PDE1C: variants seen among roughly 807,000 people sequenced by gnomAD.
PDE1C encodes dual specificity calcium/calmodulin-dependent 3',5'-cyclic nucleotide phosphodiesterase 1C.
Under a neutral mutation model 93.1 loss-of-function variants are expected in PDE1C, and 62 were observed. The observed-to-expected ratio is 0.67, with a 90% confidence interval of 0.54 to 0.82. The LOEUF (loss-of-function observed/expected upper bound fraction) is 0.82. PDE1C is among the 40% of genes least tolerant of loss of function. The pLI, the probability that PDE1C is intolerant of heterozygous loss-of-function variation, is 0.00. For missense variants in PDE1C, 742 were observed against 884.6 expected (o/e 0.84, Z 2.04); for synonymous variants, 325 against 310.1 (o/e 1.05, Z -0.50).
At chr7:32,152,288 C>G (rs779386794) in intron 3 of PDE1C, among the ~76,000 whole-genome samples, 2 of 152,164 alleles carry the variant, frequency 1.3e-5, no homozygotes, top group Non-Finnish European at 2.9e-5. Flanking sequence ...TATAATTTTT[C>G]TGAACCCACT....
At chr7:31,904,141 C>A (rs12701156) in intron 2 of PDE1C, among the ~76,000 whole-genome samples, 14,797 of 152,098 alleles carry the variant, frequency 0.097, 939 homozygotes, top group Admixed American at 0.21. Context: ...TCCACAAGAA[C>A]AGAGAGTGCT....
exon 1 of PDE1C, chr7:32,298,761 C>G: frequency 6.4e-7 from 1 of 1,569,442 alleles, no homozygotes; most frequent in Non-Finnish European, 8.6e-7. Context: ...GCAGGGGCCT[C>G]GCAGCGAGAC....
chr7:31,981,850 G>A (rs1163286543), intron 2 of PDE1C, among the ~76,000 whole-genome samples: 1 of 152,158 alleles, frequency 6.6e-6, no homozygotes. Context: ...AGTTAAATAT[G>A]AGAAAGAAAA....
chr7:31,927,760 C>A (rs1803593054), intron 2 of PDE1C, among the ~76,000 whole-genome samples: 1 of 152,104 alleles, frequency 6.6e-6, no homozygotes. Context: ...AAAAAGGACA[C>A]CCACAGAAAA....
chr7:31,995,577 G>A (rs1784621268), intron 2 of PDE1C, among the ~76,000 whole-genome samples: 1 of 151,934 alleles, frequency 6.6e-6, no homozygotes, highest in East Asian at 1.9e-4. Flanking sequence ...TTATTGTTGT[G>A]CTTTGTTTGT....
intron 2 of PDE1C, among the ~76,000 whole-genome samples, chr7:32,203,514 G>C (rs1383243480): frequency 1.3e-5 from 2 of 152,054 alleles, no homozygotes; most frequent in African/African-American, 4.8e-5. Flanking sequence ...AAAATACGAA[G>C]GGCCGCCCCT....
chr7:31,673,132 T>C, the PDE1C span, among the ~76,000 whole-genome samples: 2 of 152,266 alleles, frequency 1.3e-5, no homozygotes, highest in African/African-American at 4.8e-5. Context: ...TATAGCAGTG[T>C]GAAAATGGAC....
intron 1 of PDE1C, among the ~76,000 whole-genome samples, chr7:32,225,626 T>C (rs1807203588): frequency 6.6e-6 from 1 of 152,084 alleles, no homozygotes; most frequent in Admixed American, 6.6e-5. Flanking sequence ...TGCCCTTGAG[T>C]GTCCAAGGGG....
chr7:31,885,943 G>A (rs926403862), intron 2 of PDE1C, among the ~76,000 whole-genome samples: 3 of 152,142 alleles, frequency 2.0e-5, no homozygotes, highest in African/African-American at 7.2e-5. Flanking sequence ...ATAAAAAGAA[G>A]CTATGGAAAC....
At chr7:31,652,637 G>A in the PDE1C span, 24 of 1,613,682 alleles carry the variant, frequency 1.5e-5, no homozygotes, top group African/African-American at 9.3e-5. Context: ...GCATGGCCCC[G>A]AGGACTGTGT....
chr7:31,770,754 C>T (rs1043289682), intron 17 of PDE1C, among the ~76,000 whole-genome samples: 6 of 152,154 alleles, frequency 3.9e-5, no homozygotes, highest in Non-Finnish European at 5.9e-5. Flanking sequence ...AAATGATCCA[C>T]CCGCCTTGGC....
At position 32,387,372 on chromosome 7, in the gene PDE1C, C is replaced by T. The variant is rs1272855953; in HGVS notation, c.310+40450G>A. 5.8e-4 allele frequency among the ~76,000 whole-genome samples: 88 copies of T among 151,806 alleles called. 1 individual carries two copies. In the Middle Eastern group the frequency reaches 0.01, roughly 18 times the overall value. ...AACCGCCATTGTCATCATGGCCCAT[C>T]CCCAATGAGCCGCTGGGCACACCTC... On this transcript the variant is annotated intron_variant, in intron 1 of 1. Coordinates refer to the PDE1C transcript ENST00000672256.
intron 9 of PDE1C, among the ~76,000 whole-genome samples, chr7:31,843,513 C>G (rs752315594): frequency 6.6e-6 from 1 of 151,818 alleles, no homozygotes; most frequent in East Asian, 1.9e-4. Context: ...CCACTGCATT[C>G]TACTTATTCT....
intron 2 of PDE1C, among the ~76,000 whole-genome samples, chr7:32,017,078 C>T (rs564611255): frequency 6.6e-6 from 1 of 152,212 alleles, no homozygotes; most frequent in African/African-American, 2.4e-5. Context: ...ACTGGGAATG[C>T]TAAATGGAGA....
chr7:31,967,835 T>C (rs1810268812), intron 2 of PDE1C, among the ~76,000 whole-genome samples: 2 of 152,278 alleles, frequency 1.3e-5, no homozygotes, highest in South Asian at 2.1e-4. Context: ...ATCCAGCATA[T>C]AAATAGAACC....
At chr7:32,042,849 A>G (rs534217427) in intron 2 of PDE1C, among the ~76,000 whole-genome samples, 3 of 152,290 alleles carry the variant, frequency 2.0e-5, no homozygotes, top group Non-Finnish European at 4.4e-5. Context: ...TTCCTCCTGG[A>G]AGGACCTCAG....
intron 1 of PDE1C, among the ~76,000 whole-genome samples, chr7:32,229,851 A>G (rs58653081): frequency 6.6e-6 from 1 of 152,338 alleles, no homozygotes; most frequent in African/African-American, 2.4e-5. Context: ...AGAGCTAACA[A>G]GAATCTAACA....
the PDE1C span, among the ~76,000 whole-genome samples, chr7:31,745,435 A>G: frequency 1.3e-5 from 2 of 152,216 alleles, no homozygotes; most frequent in African/African-American, 4.8e-5. Flanking sequence ...CCTGCTCTCC[A>G]GGAAATGATA....
chr7:31,775,600 C>T (rs891608941), intron 17 of PDE1C, 64 bp downstream of exon 17: 107 of 1,387,366 alleles, frequency 7.7e-5, no homozygotes, highest in South Asian at 4.4e-4. Flanking sequence ...ACCCAATTCC[C>T]GAGAAACCAG....
Sources: gnomAD v4.1 joint callset for allele counts (sites outside exome capture counted in the v4.1 genomes callset) on GRCh38, gnomAD v4.1.1 for gene constraint, MANE v1.5 for transcripts, NCBI Gene and HGNC (gene_info 2026-07-23, HGNC 2026-07-21) for gene names.